TEC: variants seen among roughly 807,000 people sequenced by gnomAD.
TEC encodes the protein tyrosine-protein kinase Tec.
Under a neutral mutation model 93.0 loss-of-function variants are expected in TEC, and 72 were observed. The ratio of observed to expected loss-of-function variants is 0.77; its 90% CI spans 0.64 to 0.94. TEC has a LOEUF of 0.94. TEC is among the 40% of genes least tolerant of loss of function. The probability of loss-of-function intolerance (pLI) is 0.00; values close to 1 mark genes in which losing one functional copy is unlikely to be tolerated. For synonymous variants in TEC, 249 were observed against 247.7 expected (o/e 1.01, Z -0.05); for missense variants, 630 against 757.9 (o/e 0.83, Z 1.98).
At chr4:48,185,555 C>G (rs1721786761) in intron 2 of TEC, among the ~76,000 whole-genome samples, 1 of 152,072 alleles carries the variant, frequency 6.6e-6, no homozygotes, top group Non-Finnish European at 1.5e-5. Context: ...TTTTTCCTCC[C>G]TTTAAACTAG....
At chr4:48,229,847 G>A (rs1321970381) in intron 1 of TEC, among the ~76,000 whole-genome samples, 1 of 151,886 alleles carries the variant, frequency 6.6e-6, no homozygotes, top group Non-Finnish European at 1.5e-5. Flanking sequence ...GCCGAGGCAG[G>A]TGGATCACCT....
chr4:48,232,959 G>A (rs1206777427), intron 1 of TEC, among the ~76,000 whole-genome samples: 1 of 152,214 alleles, frequency 6.6e-6, no homozygotes, highest in Non-Finnish European at 1.5e-5. Context: ...TTAATAAAGA[G>A]AGTCCCCGAT....
intron 1 of TEC, among the ~76,000 whole-genome samples, chr4:48,236,953 C>T (rs1723801746): frequency 6.6e-6 from 1 of 152,192 alleles, no homozygotes; most frequent in East Asian, 1.9e-4. Flanking sequence ...CTGATCTGAT[C>T]ACTATGCATT....
intron 1 of TEC, among the ~76,000 whole-genome samples, chr4:48,269,139 T>G (rs1269641645): frequency 6.6e-6 from 1 of 152,154 alleles, no homozygotes; most frequent in Admixed American, 6.6e-5. Context: ...GAACGTGAAC[T>G]TCACTGGGTG....
rs1324706830 is a variant in TEC at position 48,227,964 on chromosome 4, C to T, written c.138+513G>A. 2.0e-5 allele frequency among the ~76,000 whole-genome samples: 3 copies of T among 152,148 alleles called. No individual in the cohort carries two copies. In the East Asian group the frequency reaches 5.8e-4, roughly 29 times the overall value. ...CTCACCGGCCAGGTTTTTTAGTGAG[C>T]TGCTTTCTCCCTGCTGCCATCGAAG... On this transcript the variant is annotated intron_variant, in intron 2 of 17. Transcript: ENST00000381501.
intron 2 of TEC, among the ~76,000 whole-genome samples, chr4:48,225,174 C>CT (rs1175603504): frequency 1.3e-5 from 2 of 151,710 alleles, no homozygotes; most frequent in East Asian, 3.9e-4. Context: ...TTTTCTCTTT[C>CT]TTTTTTTCTT....
intron 2 of TEC, among the ~76,000 whole-genome samples, chr4:48,199,972 T>C (rs1251254119): frequency 6.6e-6 from 1 of 152,068 alleles, no homozygotes; most frequent in African/African-American, 2.4e-5. Context: ...GTGAAGCTTA[T>C]AAATGAGAAT....
chr4:48,138,245 T>TA (rs1477315803), intron 17 of TEC, among the ~76,000 whole-genome samples: 3 of 152,230 alleles, frequency 2.0e-5, no homozygotes, highest in Non-Finnish European at 4.4e-5. Context: ...ATTTGGTATC[T>TA]AATCTCTTTT....
At chr4:48,257,685 T>C (rs192553094) in intron 1 of TEC, among the ~76,000 whole-genome samples, 5 of 152,286 alleles carry the variant, frequency 3.3e-5, no homozygotes, top group African/African-American at 4.8e-5. Flanking sequence ...ATATGCCCAA[T>C]AGATATTTGG....
At chr4:48,163,618 C>T in intron 8 of TEC, 84 bp downstream of exon 8, 2 of 838,466 alleles carry the variant, frequency 2.4e-6, no homozygotes, top group South Asian at 1.7e-5. Flanking sequence ...TGAAAGATAT[C>T]CATTAATCTT....
chr4:48,214,224 A>C lies in TEC; in HGVS notation c.138+14253T>G, dbSNP rs1722999591. Among the ~76,000 whole-genome samples, 3 of 152,164 alleles carry C rather than the reference A, an allele frequency of 2.0e-5. No homozygotes were observed. The South Asian group carries it at 6.2e-4, about 32-fold the overall frequency. Reference sequence around the variant, plus strand: ...TAGCCGGTGAGAAAAAAAGGCAATAATCATAACACATATACATTTAACAGG... The same window carrying C: ...TAGCCGGTGAGAAAAAAAGGCAATACTCATAACACATATACATTTAACAGG... On this transcript the variant is annotated intron_variant, in intron 2 of 17. Coordinates refer to ENST00000381501, the MANE Select transcript of TEC (RefSeq NM_003215.3).
intron 7 of TEC, among the ~76,000 whole-genome samples, chr4:48,167,337 A>G (rs972632272): frequency 3.9e-5 from 6 of 152,110 alleles, no homozygotes; most frequent in Non-Finnish European, 8.8e-5. Flanking sequence ...AGAGAGAGAA[A>G]GAAGTGAGAA....
At chr4:48,167,718 C>T (rs551578574) in intron 7 of TEC, 60 bp downstream of exon 7, 6 of 1,509,034 alleles carry the variant, frequency 4.0e-6, no homozygotes, top group Admixed American at 3.5e-5. Flanking sequence ...ATCTACTTCT[C>T]ACTCAACACT....
At chr4:48,250,498 C>G (rs1724171736) in intron 1 of TEC, among the ~76,000 whole-genome samples, 1 of 152,170 alleles carries the variant, frequency 6.6e-6, no homozygotes, top group South Asian at 2.1e-4. Context: ...CTTACTTTGA[C>G]CAATGGGACA....
intron 1 of TEC, among the ~76,000 whole-genome samples, chr4:48,256,959 C>G (rs1724362325): frequency 1.3e-5 from 2 of 152,144 alleles, no homozygotes; most frequent in Admixed American, 1.3e-4. Flanking sequence ...GAAATGAAGC[C>G]AGTGCGAATG....
chr4:48,205,016 G>C (rs1008329557), intron 2 of TEC, among the ~76,000 whole-genome samples: 2 of 152,182 alleles, frequency 1.3e-5, no homozygotes, highest in Admixed American at 1.3e-4. Context: ...CTGTAAGAAA[G>C]ACCTGGTTTA....
intron 2 of TEC, among the ~76,000 whole-genome samples, chr4:48,201,682 G>A (rs960122619): frequency 6.6e-6 from 1 of 152,206 alleles, no homozygotes; most frequent in African/African-American, 2.4e-5. Context: ...TCTCAGAGGA[G>A]CATGACAGAC....
intron 8 of TEC, among the ~76,000 whole-genome samples, chr4:48,161,641 T>C (rs1720666096): frequency 6.7e-6 from 1 of 150,100 alleles, no homozygotes; most frequent in African/African-American, 2.5e-5. Flanking sequence ...ATTTAAGTTG[T>C]TGTGATGGTT....
At position 48,138,811 on chromosome 4, in the gene TEC, A is replaced by G. The variant is rs781315048; in HGVS notation, c.1666T>C (p.Trp556Arg). The change falls in exon 17 of 18, where the codon TGG (tryptophan) becomes CGG (arginine). Residue 556 changes from tryptophan to arginine, a missense_variant. Physicochemically the swap from Trp to Arg is moderately radical, Grantham distance 101 (BLOSUM62 -3). Around this residue, in one of 3 missense-constraint regions of TEC, gnomAD observed 289 missense variants for 390.0 expected, o/e 0.74. Transcript: ENST00000381501. ...SDVWSFGVLM[W>R]EVFTEGRMPF... ...ATTCTGCCTTCCGTGAATACTTCCCACATTAAAACACCTGGAAAAGGATAA... is the reference window on the plus strand; with the variant it reads ...ATTCTGCCTTCCGTGAATACTTCCCGCATTAAAACACCTGGAAAAGGATAA... 6.2e-7 allele frequency: 1 copy of G among 1,613,680 alleles called. No individual in the cohort carries two copies. Among genetic ancestry groups the G allele is most frequent in the East Asian group, 2.2e-5 (1 of 44,882 alleles).
Sources: allele counts gnomAD v4.1 joint callset (sites outside exome capture counted in the v4.1 genomes callset), GRCh38; gene constraint gnomAD v4.1.1; regional missense constraint gnomAD v4.1.1; transcripts MANE v1.5; gene names NCBI Gene and HGNC (gene_info 2026-07-23, HGNC 2026-07-21).